The following CHODL variants were observed in gnomAD, a reference collection of about 807,000 sequenced individuals.
CHODL encodes chondrolectin, also known as transmembrane protein MT75.
Under a neutral mutation model 34.5 loss-of-function variants are expected in CHODL, and 29 were observed. The observed-to-expected ratio is 0.84, with a 90% CI of 0.63 to 1.15. CHODL has a LOEUF of 1.15. Ranked by LOEUF, CHODL falls within the 50% of genes most tolerant of loss-of-function variation. The pLI is 0.00. For synonymous variants in CHODL, 125 were observed against 116.1 expected, an observed-to-expected ratio of 1.08 and a Z score of -0.49; for missense variants, 332 against 332.5, an observed-to-expected ratio of 1.00 and a Z score of 0.01.
At chr21:17,950,982 T>C (rs768958546) in intron 1 of CHODL, among the ~76,000 whole-genome samples, 4 of 152,168 alleles carry the variant, frequency 2.6e-5, no homozygotes, top group Non-Finnish European at 5.9e-5. Flanking sequence ...AGTATTTCAT[T>C]GGTTGGAGAG....
rs114942379 is a variant in CHODL at position 18,108,256 on chromosome 21, T to C, written c.-45+80285T>C. On this transcript the variant is annotated intron_variant, in intron 2 of 6. Transcript: ENST00000400127. Reference sequence around the variant, plus strand: ...GTTGCATATTTAGGATATGGTCCTTTAAATGCATAATATGCTCTGAACCAG... The same window carrying C: ...GTTGCATATTTAGGATATGGTCCTTCAAATGCATAATATGCTCTGAACCAG... Among the ~76,000 whole-genome samples, 748 of 152,272 alleles carry C rather than the reference T, an allele frequency of 4.9e-3. 4 individuals are homozygous for C. Among genetic ancestry groups the C allele is most frequent in the African/African-American group, 0.017 (711 of 41,550 alleles).
chr21:18,194,133 C>T (rs933037939), intron 2 of CHODL, among the ~76,000 whole-genome samples: 4 of 152,168 alleles, frequency 2.6e-5, no homozygotes, highest in Non-Finnish European at 5.9e-5. Flanking sequence ...AGCCTCCCTC[C>T]GTTCACTGTT....
At position 18,248,811 on chromosome 21, in the gene CHODL, T is replaced by A. The variant is rs1250962682; in HGVS notation, c.79+3509T>A. ...ATATGTATATGTGTGTATATATGTA[T>A]GTATATTATATATGTATGTATATTG... On this transcript the variant is annotated intron_variant, in intron 1 of 5. Coordinates refer to ENST00000299295, the MANE Select transcript of CHODL (RefSeq NM_024944.3). Among the ~76,000 whole-genome samples, 9 of 119,722 alleles carry A rather than the reference T, an allele frequency of 7.5e-5. No individual in the cohort carries two copies. In the East Asian group the frequency reaches 2.0e-3, roughly 27 times the overall value. The allele number at this position is 119,722 out of a possible 152,430, so 78.5% of individuals were successfully genotyped here. A position where few individuals can be genotyped will look rare whatever the true frequency, so the allele number is the denominator to read the frequency against.
intron 1 of CHODL, among the ~76,000 whole-genome samples, chr21:18,004,845 A>G (rs2406166): frequency 0.16 from 24,089 of 150,858 alleles, 2,017 homozygotes; most frequent in South Asian, 0.29. Context: ...AAAAAAAAAA[A>G]CAACAACAGT....
intron 2 of CHODL, among the ~76,000 whole-genome samples, chr21:18,187,597 C>T (rs1487428810): frequency 2.0e-5 from 3 of 152,108 alleles, no homozygotes; most frequent in Non-Finnish European, 4.4e-5. Flanking sequence ...TCAAGGCTGC[C>T]TCTTTTTATT....
chr21:18,063,225 T>G (rs139316316), intron 2 of CHODL, among the ~76,000 whole-genome samples: 1 of 152,152 alleles, frequency 6.6e-6, no homozygotes, highest in African/African-American at 2.4e-5. Flanking sequence ...ACAGAACCAA[T>G]GTAGAAGAAC....
intron 2 of CHODL, among the ~76,000 whole-genome samples, chr21:18,067,746 CAT>C (rs1199321779): frequency 6.6e-6 from 1 of 152,130 alleles, no homozygotes; most frequent in South Asian, 2.1e-4. Flanking sequence ...AACTGGCAAT[CAT>C]AGAGTGTTTA....
chr21:18,119,249 C>T (rs556120825), intron 2 of CHODL, among the ~76,000 whole-genome samples: 26 of 151,680 alleles, frequency 1.7e-4, no homozygotes, highest in Non-Finnish European at 3.1e-4. Context: ...TTCACATCCC[C>T]AGTCATCCGC....
intron 1 of CHODL, among the ~76,000 whole-genome samples, chr21:18,004,296 G>A (rs556541179): frequency 4.6e-5 from 7 of 152,292 alleles, no homozygotes; most frequent in African/African-American, 1.7e-4. Flanking sequence ...ATGTAAATTG[G>A]TTTTTAGCAC....
intron 1 of CHODL, among the ~76,000 whole-genome samples, chr21:18,011,359 G>C (rs181705423): frequency 1.2e-4 from 18 of 152,262 alleles, no homozygotes; most frequent in Admixed American, 4.6e-4. Flanking sequence ...TAGACAGCAA[G>C]GCAAGAAAAG....
At chr21:18,084,651 TA>T (rs928459879) in intron 2 of CHODL, among the ~76,000 whole-genome samples, 3 of 152,046 alleles carry the variant, frequency 2.0e-5, no homozygotes, top group South Asian at 2.1e-4. Context: ...ATTTTGATTT[TA>T]AAAAAAAACT....
chr21:18,142,320 C>T (rs760875077), intron 2 of CHODL, among the ~76,000 whole-genome samples: 6 of 152,076 alleles, frequency 3.9e-5, no homozygotes, highest in Non-Finnish European at 7.4e-5. Flanking sequence ...AACAAAATAA[C>T]CCCCATTTAA....
intron 2 of CHODL, among the ~76,000 whole-genome samples, chr21:18,236,511 A>G (rs2074030131): frequency 6.6e-6 from 1 of 152,102 alleles, no homozygotes; most frequent in Non-Finnish European, 1.5e-5. Flanking sequence ...TATGAATCCT[A>G]AGAATTTCAC....
At chr21:17,943,422 A>G (rs2063381623) in intron 1 of CHODL, among the ~76,000 whole-genome samples, 1 of 152,166 alleles carries the variant, frequency 6.6e-6, no homozygotes, top group African/African-American at 2.4e-5. Flanking sequence ...CTCTTTTAAT[A>G]TATATCTTCT....
chr21:17,949,880 T>G (rs565040179), intron 1 of CHODL, among the ~76,000 whole-genome samples: 27 of 152,270 alleles, frequency 1.8e-4, no homozygotes, highest in African/African-American at 6.5e-4. Flanking sequence ...AAAGATGGAA[T>G]ATTTCCAGAT....
intron 1 of CHODL, among the ~76,000 whole-genome samples, chr21:17,976,379 T>C (rs1356505664): frequency 2.0e-5 from 3 of 152,088 alleles, no homozygotes. Flanking sequence ...AATGGATTCT[T>C]TTCATTTGAA....
At chr21:18,094,234 G>A (rs2065110586) in intron 2 of CHODL, among the ~76,000 whole-genome samples, 2 of 151,908 alleles carry the variant, frequency 1.3e-5, no homozygotes. Flanking sequence ...AAATATTATA[G>A]CTAAAGAGAG....
chr21:18,158,946 T>C (rs1463027053), intron 2 of CHODL, among the ~76,000 whole-genome samples: 4 of 152,132 alleles, frequency 2.6e-5, no homozygotes, highest in Non-Finnish European at 4.4e-5. Context: ...AAATGTGCCA[T>C]ATATCACAAG....
intron 2 of CHODL, among the ~76,000 whole-genome samples, chr21:18,044,055 C>A (rs573385933): frequency 2.6e-5 from 4 of 152,114 alleles, no homozygotes; most frequent in East Asian, 1.9e-4. Flanking sequence ...GGGACACAGC[C>A]AAACCATATC....
Sources: allele counts gnomAD v4.1 joint callset (sites outside exome capture counted in the v4.1 genomes callset), GRCh38; gene constraint gnomAD v4.1.1; transcripts MANE v1.5; gene names NCBI Gene and HGNC (gene_info 2026-07-23, HGNC 2026-07-21).